SLC30A9: variants seen among roughly 807,000 people sequenced by gnomAD.
SLC30A9 encodes the protein solute carrier family 30 member 9.
In SLC30A9, 58 loss-of-function variants were observed where a neutral mutation model predicts 87.5. That is an observed-to-expected ratio of 0.66 (90% CI 0.54 to 0.82). SLC30A9 has a LOEUF of 0.82. Ranked by LOEUF, SLC30A9 falls within the 40% of genes least tolerant of loss-of-function variation. SLC30A9 has a pLI of 0.00. For synonymous variants in SLC30A9, 234 were observed against 233.0 expected (o/e 1.00, Z -0.04); for missense variants, 557 against 679.1 (o/e 0.82, Z 2.00).
intron 1 of SLC30A9, among the ~76,000 whole-genome samples, chr4:41,991,404 AT>A (rs1235110270): frequency 6.6e-6 from 1 of 152,220 alleles, no homozygotes; most frequent in Non-Finnish European, 1.5e-5. Context: ...GTTGAAGAGA[AT>A]TTTCGTCTCT....
chr4:42,033,415 G>A lies in SLC30A9; in HGVS notation c.611-1860G>A, dbSNP rs1332446699. 2.6e-5 allele frequency among the ~76,000 whole-genome samples: 4 copies of A among 151,670 alleles called. No homozygotes were observed. In the East Asian group the frequency reaches 7.7e-4, roughly 29 times the overall value. The stretch of plus-strand genomic sequence containing the variant: ...GGACTTTGGGAGGCTGAGGTGGGAG[G>A]ATCACTTGAGACCAGGAGTTTGAGA... On this transcript the variant is annotated intron_variant, in intron 6 of 17. Coordinates refer to ENST00000264451, the MANE Select transcript of SLC30A9 (RefSeq NM_006345.4).
At position 42,087,311 on chromosome 4, in the gene SLC30A9, TCATAA is replaced by T. The variant is rs1195894812; in HGVS notation, c.*1190_*1194del. The stretch of plus-strand genomic sequence containing the variant: ...CTGCAGCTGTCATCATCAAAACAAC[TCATAA>T]CATACTTTAAAATGTTCAGGTAGCA... On this transcript the variant is annotated 3_prime_UTR_variant, in exon 18 of 18. Coordinates refer to ENST00000264451, the MANE Select transcript of SLC30A9 (RefSeq NM_006345.4). 3 of 152,318 alleles carry T rather than the reference TCATAA, an allele frequency of 2.0e-5. No individual in the cohort carries two copies. The highest frequency in any genetic ancestry group is 7.2e-5 in the African/African-American group (3 of 41,576). The allele number at this position is 152,318 out of a possible 1,614,324, so 9.4% of individuals were successfully genotyped here. A position where few individuals can be genotyped will look rare whatever the true frequency, so the allele number is the denominator to read the frequency against.
Position 42,049,371 on chromosome 4 carries a change from T to C in SLC30A9, c.738-6T>C. The C allele has an allele frequency of 6.3e-7, 1 of 1,582,580 alleles. No homozygotes were observed. Among genetic ancestry groups the C allele is most frequent in the Non-Finnish European group, 8.6e-7 (1 of 1,158,386 alleles). Reference sequence around the variant, plus strand: ...TATGCTAAATTGTTTTCTCTTTCTCTTCTAGCAATGGATTAAACTGCTTCT... The same window carrying C: ...TATGCTAAATTGTTTTCTCTTTCTCCTCTAGCAATGGATTAAACTGCTTCT... On this transcript the variant is annotated splice_region_variant and splice_polypyrimidine_tract_variant and intron_variant, in intron 8 of 17. Coordinates refer to ENST00000264451, the MANE Select transcript of SLC30A9 (RefSeq NM_006345.4).
chr4:42,076,654 T>C (rs1718561032), intron 16 of SLC30A9, among the ~76,000 whole-genome samples: 1 of 152,056 alleles, frequency 6.6e-6, no homozygotes, highest in Non-Finnish European at 1.5e-5. Context: ...TTGATGGACA[T>C]TTATATTACT....
At chr4:42,030,521 A>C (rs555953432) in intron 6 of SLC30A9, among the ~76,000 whole-genome samples, 1 of 149,982 alleles carries the variant, frequency 6.7e-6, no homozygotes, top group South Asian at 2.1e-4. Context: ...TTTGTACTTT[A>C]TGTGAGCAGG....
rs972649337 is a variant in SLC30A9, at chr4:42,086,236, C to CT, written c.*118dup. 75 of 565,772 alleles carry CT rather than the reference C, an allele frequency of 1.3e-4. No homozygotes were observed. Among genetic ancestry groups the CT allele is most frequent in the South Asian group, 1.2e-3 (32 of 26,598 alleles). 35.0% of individuals were successfully genotyped at this position (565,772 alleles called of 1,614,324 possible). A position where few individuals can be genotyped will look rare whatever the true frequency, so the allele number is the denominator to read the frequency against. ...GAAAGACTCAGTGCCATGCAGAAGC[C>CT]TTTTTTTTAAGATGAAGGAAATATT... On this transcript the variant is annotated 3_prime_UTR_variant, in exon 18 of 18. Transcript: ENST00000264451.
At chr4:42,053,966 A>G (rs79400923) in intron 9 of SLC30A9, among the ~76,000 whole-genome samples, 5,799 of 152,288 alleles carry the variant, frequency 0.038, 139 homozygotes, top group African/African-American at 0.042. Context: ...CGGGGAGGAA[A>G]GAGGCACAGG....
chr4:42,011,557 A>C (rs149992598), intron 2 of SLC30A9, among the ~76,000 whole-genome samples: 1 of 152,318 alleles, frequency 6.6e-6, no homozygotes, highest in African/African-American at 2.4e-5. Flanking sequence ...CTCTGAGCAC[A>C]AGAATGTGAA....
At chr4:42,038,877 A>G in intron 7 of SLC30A9, 109 bp from the exon 8 acceptor site, 1 of 671,762 alleles carries the variant, frequency 1.5e-6, no homozygotes, top group Non-Finnish European at 2.7e-6. Flanking sequence ...AGTAAATCTA[A>G]TTCAGAAGTT....
intron 1 of SLC30A9, among the ~76,000 whole-genome samples, chr4:41,991,237 T>C (rs1714425154): frequency 6.6e-6 from 1 of 152,264 alleles, no homozygotes; most frequent in Non-Finnish European, 1.5e-5. Context: ...GGAGGGGTGC[T>C]ACTCACTACG....
At chr4:42,009,969 T>C (rs576074411) in intron 2 of SLC30A9, among the ~76,000 whole-genome samples, 1 of 152,356 alleles carries the variant, frequency 6.6e-6, no homozygotes, top group South Asian at 2.1e-4. Context: ...GTGTAGGTTC[T>C]ATAGATAAAG....
In SLC30A9 at chr4:42,066,432, C is replaced by T; in HGVS notation, c.1073-118C>T. ...ACAACTAATTAACATAGAACTTGTCCTTATTGCCAACCCTAGTTTTAAAAT... is the reference window on the plus strand; with the variant it reads ...ACAACTAATTAACATAGAACTTGTCTTTATTGCCAACCCTAGTTTTAAAAT... On this transcript the variant is annotated intron_variant, in intron 12 of 17. Transcript: ENST00000264451. 7.3e-6 allele frequency: 4 copies of T among 548,710 alleles called. No homozygotes were observed. The South Asian group carries it at 8.2e-5, about 11-fold the overall frequency. 34.0% of individuals were successfully genotyped at this position (548,710 alleles called of 1,614,324 possible). A position where few individuals can be genotyped will look rare whatever the true frequency, so the allele number is the denominator to read the frequency against.
intron 5 of SLC30A9, 37 bp from the exon 6 acceptor site, chr4:42,023,265 A>G: frequency 7.4e-7 from 1 of 1,344,466 alleles, no homozygotes. Flanking sequence ...AAAGTCATTA[A>G]AATTGTTCAT....
chr4:42,075,546 A>T, intron 15 of SLC30A9, 111 bp from the exon 16 acceptor site: 1 of 941,682 alleles, frequency 1.1e-6, no homozygotes, highest in Non-Finnish European at 1.6e-6. Flanking sequence ...ATCTTAGTCC[A>T]TTCTCGTAAC....
chr4:42,042,602 C>G (rs1008735826), intron 8 of SLC30A9, among the ~76,000 whole-genome samples: 2 of 152,194 alleles, frequency 1.3e-5, no homozygotes, highest in African/African-American at 2.4e-5. Flanking sequence ...AAACTCTCAT[C>G]TCTCTGGGAC....
intron 9 of SLC30A9, among the ~76,000 whole-genome samples, chr4:42,052,525 G>A (rs1717419383): frequency 1.3e-5 from 2 of 152,370 alleles, no homozygotes; most frequent in South Asian, 4.1e-4. Flanking sequence ...AGGACAGTGA[G>A]TTACTGGCAT....
rs532194553 is a variant in SLC30A9 at position 42,046,934 on chromosome 4, T to C, written c.738-2443T>C. ...GAGGCCTTAGAAATAACACCAAACA[T>C]CTACAACCATCTGATCTTTGACAAA... On this transcript the variant is annotated intron_variant, in intron 8 of 17. Transcript: ENST00000264451. Among the ~76,000 whole-genome samples, 3 of 152,120 alleles carry C rather than the reference T, an allele frequency of 2.0e-5. No individual in the cohort carries two copies. In the South Asian group the frequency reaches 6.2e-4, roughly 32 times the overall value.
rs1237730131 is a variant in SLC30A9 at position 42,088,293 on chromosome 4, C to A, written c.*2167C>A. 1 of 152,044 alleles carries A rather than the reference C, an allele frequency of 6.6e-6. No individual in the cohort carries two copies. Among genetic ancestry groups the A allele is most frequent in the East Asian group, 1.9e-4 (1 of 5,188 alleles). 9.4% of individuals were successfully genotyped at this position (152,044 alleles called of 1,614,324 possible). On this transcript the variant is annotated 3_prime_UTR_variant, in exon 18 of 18. Transcript: ENST00000264451. ...GATATGGTGGCTTATGCCTGTAATC[C>A]CAGCACTTTGGGAGGCCGAGGCAGG...
chr4:41,996,236 C>T (rs1344055386), intron 1 of SLC30A9, among the ~76,000 whole-genome samples: 1 of 151,718 alleles, frequency 6.6e-6, no homozygotes, highest in Non-Finnish European at 1.5e-5. Flanking sequence ...GCTGGGATTA[C>T]AGGTGTTAGC....
Sources: allele counts gnomAD v4.1 joint callset (sites outside exome capture counted in the v4.1 genomes callset), GRCh38; gene constraint gnomAD v4.1.1; transcripts MANE v1.5; gene names NCBI Gene and HGNC (gene_info 2026-07-23, HGNC 2026-07-21).